The following FMNL2 variants were observed in gnomAD, a reference collection of about 807,000 sequenced individuals.
FMNL2 encodes formin like 2, also known as formin-like protein 2.
FMNL2 carries 51 observed loss-of-function variants against 130.2 expected under a neutral mutation model. The ratio of observed to expected loss-of-function variants is 0.39; its 90% CI spans 0.31 to 0.49. The LOEUF (loss-of-function observed/expected upper bound fraction) is 0.49. Among genes scored for constraint, FMNL2 ranks in the 20% least tolerant of loss-of-function variants. The probability of loss-of-function intolerance (pLI) is 0.85; values close to 1 mark genes in which losing one functional copy is unlikely to be tolerated. For synonymous variants in FMNL2, 465 were observed against 467.1 expected, an observed-to-expected ratio of 1.00 and a Z score of 0.06; for missense variants, 977 against 1,316.2, an observed-to-expected ratio of 0.74 and a Z score of 3.99.
chr2:152,342,992 A>C lies in FMNL2; in HGVS notation c.117+7272A>C, dbSNP rs77562332. The stretch of plus-strand genomic sequence containing the variant: ...AGGCAATTATCACAAACTCTCTATG[A>C]TTTCTAGTCTTGTATAGTTTCTAGG... On this transcript the variant is annotated intron_variant, in intron 1 of 25. Coordinates refer to ENST00000288670, the MANE Select transcript of FMNL2 (RefSeq NM_052905.4). Among the ~76,000 whole-genome samples, 374 of 152,290 alleles carry C rather than the reference A, an allele frequency of 2.5e-3. 2 individuals are homozygous for C. Among genetic ancestry groups the C allele is most frequent in the African/African-American group, 8.5e-3 (354 of 41,554 alleles).
chr2:152,475,567 T>C (rs896808226), intron 1 of FMNL2, among the ~76,000 whole-genome samples: 2 of 151,564 alleles, frequency 1.3e-5, no homozygotes, highest in African/African-American at 4.9e-5. Flanking sequence ...TGATCTCGGC[T>C]CACTGCAACC....
At chr2:152,386,840 A>G (rs1684812334) in intron 1 of FMNL2, among the ~76,000 whole-genome samples, 1 of 152,198 alleles carries the variant, frequency 6.6e-6, no homozygotes, top group African/African-American at 2.4e-5. Context: ...CAATGCCGGA[A>G]GAAGTAGATT....
intron 1 of FMNL2, among the ~76,000 whole-genome samples, chr2:152,416,089 T>C (rs1361724380): frequency 6.6e-6 from 1 of 151,666 alleles, no homozygotes; most frequent in Non-Finnish European, 1.5e-5. Flanking sequence ...AGGAGGGCTT[T>C]TCAGGATTGC....
chr2:152,419,941 C>T (rs1180955674), intron 1 of FMNL2, among the ~76,000 whole-genome samples: 1 of 152,186 alleles, frequency 6.6e-6, no homozygotes, highest in Admixed American at 6.5e-5. Flanking sequence ...TCAGAGACAG[C>T]AAAATCATCC....
intron 9 of FMNL2, among the ~76,000 whole-genome samples, chr2:152,586,563 C>G (rs1697086951): frequency 6.6e-6 from 1 of 152,106 alleles, no homozygotes; most frequent in South Asian, 2.1e-4. Context: ...AGATAACTTC[C>G]TAAGTGGTAA....
chr2:152,558,768 A>G lies in FMNL2; in HGVS notation c.388A>G (p.Asn130Asp), dbSNP rs371611231. 1.9e-6 allele frequency: 3 copies of G among 1,613,372 alleles called. No homozygotes were observed. In the African/African-American group the frequency reaches 4.0e-5, roughly 22 times the overall value. Residue 130 changes from asparagine (N) to aspartate (D), a missense_variant, in exon 5 of 26, where the codon AAC becomes GAC. Physicochemically the swap from Asn to Asp is conservative, Grantham distance 23. Around this residue, in one of 4 missense-constraint regions of FMNL2, gnomAD observed 689 missense variants for 995.9 expected, o/e 0.69. Transcript: ENST00000288670. ...GWVREFLNEENKGLDVLVEYL... is the reference protein window; with the variant it reads ...GWVREFLNEEDKGLDVLVEYL... ...GGTCAGAGAATTTCTGAATGAAGAAAACAAAGGTCTTGATGTTCTAGTGGA... is the reference window on the plus strand; with the variant it reads ...GGTCAGAGAATTTCTGAATGAAGAAGACAAAGGTCTTGATGTTCTAGTGGA...
At chr2:152,463,207 G>A (rs1689347122) in intron 1 of FMNL2, among the ~76,000 whole-genome samples, 1 of 152,158 alleles carries the variant, frequency 6.6e-6, no homozygotes, top group Admixed American at 6.6e-5. Flanking sequence ...TTATACTTCT[G>A]CAGTTATACT....
chr2:152,511,025 C>T (rs1231037130), intron 1 of FMNL2, among the ~76,000 whole-genome samples: 1 of 152,174 alleles, frequency 6.6e-6, no homozygotes, highest in African/African-American at 2.4e-5. Context: ...ATCATAACTT[C>T]AGGTATCTGA....
At chr2:152,521,772 G>A (rs563749669) in intron 1 of FMNL2, among the ~76,000 whole-genome samples, 171 bp from the exon 2 acceptor site, 35 of 152,226 alleles carry the variant, frequency 2.3e-4, no homozygotes, top group Admixed American at 1.0e-3. Context: ...TCATCTAACC[G>A]ATTTGATGTT....
chr2:152,371,219 A>G (rs1319415723), intron 1 of FMNL2, among the ~76,000 whole-genome samples: 1 of 152,176 alleles, frequency 6.6e-6, no homozygotes, highest in African/African-American at 2.4e-5. Flanking sequence ...CCTATTTATC[A>G]TGGGGGGACT....
intron 1 of FMNL2, among the ~76,000 whole-genome samples, chr2:152,478,254 T>A (rs867893698): frequency 9.1e-4 from 105 of 115,454 alleles, no homozygotes; most frequent in East Asian, 3.3e-3. Context: ...ATATATATTT[T>A]TTTTTTTTTT....
intron 1 of FMNL2, among the ~76,000 whole-genome samples, chr2:152,364,276 T>G (rs1371464359): frequency 2.0e-4 from 30 of 148,870 alleles, no homozygotes; most frequent in Non-Finnish European, 2.8e-4. Context: ...TTTTTTTTTT[T>G]TTTTTTTTTT....
chr2:152,480,369 G>C (rs1292452211), intron 1 of FMNL2, among the ~76,000 whole-genome samples: 2 of 152,120 alleles, frequency 1.3e-5, no homozygotes, highest in Non-Finnish European at 2.9e-5. Flanking sequence ...AGTGGCTCAC[G>C]CCTGTAATCC....
chr2:152,607,314 T>C (rs374207737), intron 9 of FMNL2, 25 bp from the exon 10 acceptor site: 122 of 1,605,362 alleles, frequency 7.6e-5, no homozygotes, highest in Non-Finnish European at 1.4e-5. Flanking sequence ...GAAAGTCACA[T>C]GCACAATGAA....
At chr2:152,371,865 G>A (rs1027309047) in intron 1 of FMNL2, among the ~76,000 whole-genome samples, 1 of 152,074 alleles carries the variant, frequency 6.6e-6, no homozygotes, top group Admixed American at 6.6e-5. Flanking sequence ...CTCACCTTGC[G>A]ATGGCCTGTA....
At chr2:152,555,547 A>G (rs927115849) in intron 4 of FMNL2, among the ~76,000 whole-genome samples, 1 of 152,156 alleles carries the variant, frequency 6.6e-6, no homozygotes, top group Non-Finnish European at 1.5e-5. Flanking sequence ...GACAGAACAA[A>G]GATTTGATAT....
At chr2:152,500,902 A>G (rs2105322590) in intron 1 of FMNL2, among the ~76,000 whole-genome samples, 1 of 152,324 alleles carries the variant, frequency 6.6e-6, no homozygotes. Context: ...AATTTGTAAA[A>G]TCTGCCTGGA....
At chr2:152,345,391 T>C (rs752379699) in intron 1 of FMNL2, among the ~76,000 whole-genome samples, 5 of 152,154 alleles carry the variant, frequency 3.3e-5, no homozygotes, top group Non-Finnish European at 7.4e-5. Flanking sequence ...AAGGAAGCAT[T>C]ATGATAACTA....
At chr2:152,415,827 G>T (rs556486307) in intron 1 of FMNL2, among the ~76,000 whole-genome samples, 1 of 152,268 alleles carries the variant, frequency 6.6e-6, no homozygotes, top group South Asian at 2.1e-4. Context: ...TTCACCAAAG[G>T]GACATGGTTG....
Sources: gnomAD v4.1 joint callset for allele counts (sites outside exome capture counted in the v4.1 genomes callset) on GRCh38, gnomAD v4.1.1 for gene constraint, gnomAD v4.1.1 regional missense constraint, MANE v1.5 for transcripts, NCBI Gene and HGNC (gene_info 2026-07-23, HGNC 2026-07-21) for gene names.